The following RPS6KA2 variants were observed in gnomAD, a reference collection of about 807,000 sequenced individuals.
RPS6KA2 encodes ribosomal protein S6 kinase alpha-2.
Under a neutral mutation model 91.8 loss-of-function variants are expected in RPS6KA2, and 42 were observed. That is an observed-to-expected ratio of 0.46 (90% confidence interval 0.36 to 0.59). RPS6KA2 has a LOEUF of 0.59. Among genes scored for constraint, RPS6KA2 ranks in the 20% least tolerant of loss-of-function variants. RPS6KA2 has a pLI of 0.00. For synonymous variants in RPS6KA2, 414 were observed against 393.6 expected (o/e 1.05, Z -0.61); for missense variants, 798 against 978.5 (o/e 0.82, Z 2.46).
intron 2 of RPS6KA2, among the ~76,000 whole-genome samples, chr6:166,678,113 TACC>T (rs1443050106): frequency 6.6e-6 from 1 of 152,204 alleles, no homozygotes; most frequent in East Asian, 1.9e-4. Context: ...GCTGTGTTCA[TACC>T]AACAGCCCGG....
At chr6:166,644,605 C>T (rs370366552) in intron 2 of RPS6KA2, among the ~76,000 whole-genome samples, 13 of 152,170 alleles carry the variant, frequency 8.5e-5, no homozygotes, top group East Asian at 1.9e-4. Context: ...TTGGCTTAGA[C>T]GTATTTTAAA....
At chr6:166,604,225 C>A (rs976828114) in intron 1 of RPS6KA2, among the ~76,000 whole-genome samples, 1 of 152,094 alleles carries the variant, frequency 6.6e-6, no homozygotes. Flanking sequence ...TCTGGGAAAT[C>A]ATTGTTTTCG....
chr6:166,680,414 C>G (rs570936523), intron 2 of RPS6KA2, among the ~76,000 whole-genome samples: 1 of 152,320 alleles, frequency 6.6e-6, no homozygotes, highest in East Asian at 1.9e-4. Context: ...TAAAAGCAGG[C>G]CGCCCCAGCC....
chr6:166,853,219 G>A (rs1025644780), intron 2 of RPS6KA2, among the ~76,000 whole-genome samples: 6 of 152,204 alleles, frequency 3.9e-5, no homozygotes, highest in Admixed American at 1.3e-4. Context: ...CGAGAGGATC[G>A]TTTGAGTTCA....
At chr6:166,462,741 G>T (rs769023007) in intron 11 of RPS6KA2, among the ~76,000 whole-genome samples, 1 of 152,186 alleles carries the variant, frequency 6.6e-6, no homozygotes, top group Non-Finnish European at 1.5e-5. Context: ...GAGGAAGCCC[G>T]CCTCTGCTTT....
intron 1 of RPS6KA2, among the ~76,000 whole-genome samples, chr6:166,861,757 G>T (rs1215281200): frequency 6.6e-6 from 1 of 152,188 alleles, no homozygotes; most frequent in Non-Finnish European, 1.5e-5. Context: ...GCCACTTGTT[G>T]AAGGAAAATC....
rs1344369839 is a variant in RPS6KA2 at position 166,732,117 on chromosome 6, TCC to T, written c.123+126081_123+126082del. Among the ~76,000 whole-genome samples the T allele has an allele frequency of 1.3e-5, 2 of 151,164 alleles. No individual in the cohort carries two copies. The highest frequency in any genetic ancestry group is 3.4e-3 in the Middle Eastern group (1 of 294). ...CAGAGACCTTAATTCCTTTTTCTTT[TCC>T]TTTTTGTTTTACCAATAAATAAATA... On this transcript the variant is annotated intron_variant, in intron 2 of 21. Coordinates refer to the RPS6KA2 transcript ENST00000503859. This position sits in a 1 kb window ranked among gnomAD's most constrained non-coding sequence, Gnocchi z 4.0.
intron 3 of RPS6KA2, among the ~76,000 whole-genome samples, chr6:166,523,512 G>A (rs1782927010): frequency 6.6e-6 from 1 of 152,124 alleles, no homozygotes; most frequent in African/African-American, 2.4e-5. Context: ...ACGCTTTTGA[G>A]TAACTTTGCT....
At chr6:166,779,426 C>G (rs575800880) in intron 2 of RPS6KA2, among the ~76,000 whole-genome samples, 1 of 152,228 alleles carries the variant, frequency 6.6e-6, no homozygotes, top group Admixed American at 6.5e-5. Context: ...GGGTGTGAGT[C>G]TGGAAATGCT....
intron 3 of RPS6KA2, among the ~76,000 whole-genome samples, chr6:166,522,601 C>A (rs545545163): frequency 1.5e-4 from 23 of 152,336 alleles, no homozygotes; most frequent in Non-Finnish European, 2.9e-4. Flanking sequence ...CGGTCTCCCC[C>A]ACTGCGCGGC....
intron 1 of RPS6KA2, among the ~76,000 whole-genome samples, chr6:166,582,544 G>C (rs1583299693): frequency 1.3e-5 from 2 of 152,162 alleles, no homozygotes; most frequent in South Asian, 4.1e-4. Flanking sequence ...AGCTCTGAGA[G>C]ATTTTTCATA....
chr6:166,561,425 T>A (rs55731457), intron 1 of RPS6KA2, among the ~76,000 whole-genome samples: 7,736 of 151,892 alleles, frequency 0.051, 659 homozygotes, highest in African/African-American at 0.18. Flanking sequence ...ATGGGTTCCC[T>A]CCCTCCTATA....
At chr6:166,790,617 G>C (rs1274707596) in intron 2 of RPS6KA2, among the ~76,000 whole-genome samples, 1 of 152,198 alleles carries the variant, frequency 6.6e-6, no homozygotes, top group African/African-American at 2.4e-5. Flanking sequence ...CAGAGAGAAA[G>C]CTCGGGTTAC....
intron 2 of RPS6KA2, among the ~76,000 whole-genome samples, chr6:166,739,104 G>C (rs9366050): frequency 3.3e-5 from 5 of 152,182 alleles, no homozygotes; most frequent in African/African-American, 1.2e-4. Context: ...CCTAACATCA[G>C]AAATAAAATT....
intron 17 of RPS6KA2, among the ~76,000 whole-genome samples, chr6:166,420,856 GCAATCCTCTGATATAGTTA>G (rs1460795555): frequency 8.5e-5 from 13 of 152,326 alleles, no homozygotes; most frequent in Admixed American, 5.2e-4. Context: ...TCAGTAGAGG[GCAATCCTCTGATATAGTTA>G]CAGTTGAATA....
intron 2 of RPS6KA2, among the ~76,000 whole-genome samples, chr6:166,844,716 A>G (rs1375711093): frequency 6.6e-6 from 1 of 152,216 alleles, no homozygotes; most frequent in Non-Finnish European, 1.5e-5. Context: ...CAGACAAACA[A>G]ATGTTAAGAG....
rs1786219825 is a variant in RPS6KA2, at chr6:166,612,469, T to TG, written c.99+14451dup. ...ACACACGGTGGCTCCTGCAGACCCC[T>TG]GGCTCCCCTCGCGGGCTTGCAACCA... On this transcript the variant is annotated intron_variant, in intron 1 of 20. Coordinates refer to ENST00000265678, the MANE Select transcript of RPS6KA2 (RefSeq NM_021135.6). The surrounding 1 kb of genome is among the most constrained non-coding windows in gnomAD (Gnocchi z 4.3). Among the ~76,000 whole-genome samples the TG allele has an allele frequency of 6.6e-6, 1 of 152,152 alleles. No individual in the cohort carries two copies. The highest frequency in any genetic ancestry group is 1.5e-5 in the Non-Finnish European group (1 of 68,008).
At chr6:166,820,892 T>C (rs1415300264) in intron 2 of RPS6KA2, among the ~76,000 whole-genome samples, 1 of 152,226 alleles carries the variant, frequency 6.6e-6, no homozygotes, top group African/African-American at 2.4e-5. Flanking sequence ...ACACACACAC[T>C]AGTTTAGGAA....
intron 3 of RPS6KA2, among the ~76,000 whole-genome samples, chr6:166,524,166 G>T (rs888900458): frequency 2.6e-5 from 4 of 152,152 alleles, no homozygotes; most frequent in Admixed American, 1.3e-4. Flanking sequence ...GATTCTGCTG[G>T]AATGATTTTA....
Sources: allele counts gnomAD v4.1 joint callset (sites outside exome capture counted in the v4.1 genomes callset), GRCh38; gene constraint gnomAD v4.1.1; non-coding constraint Gnocchi (gnomAD v3.1); transcripts MANE v1.5; gene names NCBI Gene and HGNC (gene_info 2026-07-23, HGNC 2026-07-21).